The following STK10 variants were observed in gnomAD, a reference collection of about 807,000 sequenced individuals.
The protein encoded by STK10 is serine/threonine-protein kinase 10.
A neutral mutation model predicts 113.8 loss-of-function variants in STK10; 78 were observed. The ratio of observed to expected loss-of-function variants is 0.69; its 90% CI spans 0.57 to 0.83. The LOEUF is 0.83. STK10 is among the 40% of genes least tolerant of loss of function. STK10 has a pLI of 0.00. For missense variants in STK10, 1,109 were observed against 1,280.1 expected, an observed-to-expected ratio of 0.87 and a Z score of 2.04; for synonymous variants, 465 against 494.7, an observed-to-expected ratio of 0.94 and a Z score of 0.80.
chr5:172,127,443 G>A, intron 2 of STK10, 22 bp from the exon 3 acceptor site: 3 of 1,612,878 alleles, frequency 1.9e-6, no homozygotes, highest in Non-Finnish European at 2.5e-6. Flanking sequence ...ACAGGGCAAA[G>A]TGACAATGAG....
chr5:172,167,116 T>C (rs1770585228), intron 1 of STK10, among the ~76,000 whole-genome samples: 1 of 148,476 alleles, frequency 6.7e-6, no homozygotes, highest in Non-Finnish European at 1.5e-5. Context: ...GCTGAGATCG[T>C]GCCACTGCAC....
chr5:172,118,066 G>A (rs1253328704), intron 3 of STK10, among the ~76,000 whole-genome samples: 1 of 150,614 alleles, frequency 6.6e-6, no homozygotes, highest in African/African-American at 2.4e-5. Flanking sequence ...CCGTGTACTG[G>A]ATTCATTTCT....
intron 12 of STK10, among the ~76,000 whole-genome samples, chr5:172,077,750 G>GT (rs35528776): frequency 0.013 from 1,834 of 146,408 alleles, 38 homozygotes; most frequent in African/African-American, 0.04. Context: ...AATCTTATTG[G>GT]TTTTTTTTTT....
intron 4 of STK10, among the ~76,000 whole-genome samples, chr5:172,111,369 C>T (rs1010144155): frequency 4.6e-5 from 7 of 152,186 alleles, no homozygotes; most frequent in African/African-American, 1.2e-4. Context: ...AGAAGAGAGA[C>T]GAGAAACAGA....
In STK10 at chr5:172,105,447, T is replaced by C. The variant is rs964750269; in HGVS notation, c.870+209A>G. On this transcript the variant is annotated intron_variant, in intron 7 of 18. Transcript: ENST00000176763. Reference sequence around the variant, plus strand: ...TATCCCCACTGGAACACACGCTCCATGAGGACAAGGTCTGGGTGGCTTCGT... The same window carrying C: ...TATCCCCACTGGAACACACGCTCCACGAGGACAAGGTCTGGGTGGCTTCGT... The C allele has an allele frequency of 6.8e-6, 4 of 590,952 alleles. No homozygotes were observed. The African/African-American group carries it at 7.5e-5, about 11-fold the overall frequency. 36.6% of individuals were successfully genotyped at this position (590,952 alleles called of 1,614,324 possible).
intron 14 of STK10, among the ~76,000 whole-genome samples, chr5:172,059,350 G>C (rs113721957): frequency 0.012 from 1,754 of 151,416 alleles, 35 homozygotes; most frequent in African/African-American, 0.04. Flanking sequence ...GCTTGAACCT[G>C]GGAGGTGGAG....
intron 12 of STK10, among the ~76,000 whole-genome samples, chr5:172,077,292 C>T (rs1206824082): frequency 3.3e-5 from 5 of 152,336 alleles, no homozygotes; most frequent in Admixed American, 3.3e-4. Context: ...TGTGGTGTTA[C>T]AGAGATCCAA....
chr5:172,156,550 A>G, intron 2 of STK10, 74 bp downstream of exon 2: 4 of 1,506,960 alleles, frequency 2.7e-6, no homozygotes, highest in Non-Finnish European at 3.6e-6. Context: ...AGAGCTGAAG[A>G]CTTCAGGACC....
intron 1 of STK10, among the ~76,000 whole-genome samples, chr5:172,165,856 C>A (rs1383754409): frequency 1.3e-4 from 20 of 151,312 alleles, no homozygotes; most frequent in Non-Finnish European, 2.4e-4. Context: ...TGCAATGGTG[C>A]GATCTTGGCT....
chr5:172,157,997 G>A (rs1184129445), intron 1 of STK10, among the ~76,000 whole-genome samples: 1 of 152,198 alleles, frequency 6.6e-6, no homozygotes, highest in African/African-American at 2.4e-5. Context: ...GTGCCCACCA[G>A]TTACAGCGGA....
rs1009879760 is a variant in STK10, at chr5:172,084,687, C to T, written c.1686-1603G>A. On this transcript the variant is annotated intron_variant, in intron 10 of 18. Transcript: ENST00000176763. ...TCTTCTTTCTTTTTTTTTTTAATTT[C>T]GAACCATGGACCTTATACAGGTAGA... Among the ~76,000 whole-genome samples the T allele has an allele frequency of 4.0e-5, 6 of 150,320 alleles. No homozygotes were observed. The East Asian group carries it at 1.2e-3, about 29-fold the overall frequency.
At chr5:172,183,918 G>T (rs1770907505) in intron 1 of STK10, among the ~76,000 whole-genome samples, 1 of 152,130 alleles carries the variant, frequency 6.6e-6, no homozygotes, top group South Asian at 2.1e-4. Flanking sequence ...AGGCTTATCA[G>T]GGAGAGGAGG....
intron 14 of STK10, among the ~76,000 whole-genome samples, chr5:172,057,687 C>G (rs1004253277): frequency 9.9e-5 from 15 of 152,168 alleles, no homozygotes; most frequent in African/African-American, 3.4e-4. Context: ...TGAGAGCTCC[C>G]AGGAGCATGG....
chr5:172,159,994 G>A (rs1056720340), intron 1 of STK10, among the ~76,000 whole-genome samples: 5 of 151,398 alleles, frequency 3.3e-5, no homozygotes, highest in African/African-American at 1.2e-4. Context: ...AAATTAGCTG[G>A]GCGTGGTGGC....
intron 18 of STK10, among the ~76,000 whole-genome samples, chr5:172,048,891 C>A (rs551775639): frequency 6.6e-6 from 1 of 152,018 alleles, no homozygotes; most frequent in Admixed American, 6.6e-5. Context: ...TCTCTCCGGC[C>A]GCAGGGGTCT....
intron 6 of STK10, 142 bp downstream of exon 6, chr5:172,106,478 C>A (rs542946501): frequency 2.5e-6 from 2 of 812,774 alleles, no homozygotes; most frequent in East Asian, 3.5e-5. Context: ...CGCCTGAAGA[C>A]CCCCAGGCCC....
Position 172,044,579 on chromosome 5 carries a change from C to T in STK10, c.*303G>A, listed in dbSNP as rs1243376800. On this transcript the variant is annotated 3_prime_UTR_variant, in exon 19 of 19. Coordinates refer to ENST00000176763, the MANE Select transcript of STK10 (RefSeq NM_005990.4). The surrounding 1 kb of genome is among the most constrained non-coding windows in gnomAD (Gnocchi z 4.5). The stretch of plus-strand genomic sequence containing the variant: ...ACTCGAGGCCACAGAACACCCATTC[C>T]TCTTGGACCCTGACCCCACCAACAG... 1 of 454,876 alleles carries T rather than the reference C, an allele frequency of 2.2e-6. No homozygotes were observed. Among genetic ancestry groups the T allele is most frequent in the Non-Finnish European group, 4.0e-6 (1 of 247,644 alleles). 28.2% of individuals were successfully genotyped at this position (454,876 alleles called of 1,614,324 possible). A position where few individuals can be genotyped will look rare whatever the true frequency, so the allele number is the denominator to read the frequency against.
chr5:172,087,622 T>TA (rs1348352700), intron 10 of STK10, among the ~76,000 whole-genome samples: 1 of 97,760 alleles, frequency 1.0e-5, no homozygotes, highest in Admixed American at 8.8e-5. Context: ...TTTACTTATT[T>TA]ATTTTTTTTT....
chr5:172,065,618 C>T (rs377475697), intron 12 of STK10, among the ~76,000 whole-genome samples: 9 of 152,230 alleles, frequency 5.9e-5, no homozygotes, highest in East Asian at 5.8e-4. Flanking sequence ...AGCATCTGAT[C>T]CAGGCTGGCC....
Sources: allele counts gnomAD v4.1 joint callset (sites outside exome capture counted in the v4.1 genomes callset), GRCh38; gene constraint gnomAD v4.1.1; non-coding constraint Gnocchi (gnomAD v3.1); transcripts MANE v1.5; gene names NCBI Gene and HGNC (gene_info 2026-07-23, HGNC 2026-07-21).